SASH1: variants seen among roughly 807,000 people sequenced by gnomAD.
The protein encoded by SASH1 is SAM and SH3 domain-containing protein 1.
Under a neutral mutation model 125.2 loss-of-function variants are expected in SASH1, and 44 were observed. The ratio of observed to expected loss-of-function variants is 0.35; its 90% CI spans 0.28 to 0.45. The LOEUF (loss-of-function observed/expected upper bound fraction) is 0.45. SASH1 is among the 20% of genes least tolerant of loss of function. SASH1 has a pLI of 1.00. For missense variants in SASH1, 1,426 were observed against 1,614.5 expected (o/e 0.88, Z 2.00); for synonymous variants, 639 against 649.1 (o/e 0.98, Z 0.24).
chr6:148,349,072 G>T (rs974744466), intron 1 of SASH1, among the ~76,000 whole-genome samples: 1 of 152,072 alleles, frequency 6.6e-6, no homozygotes, highest in East Asian at 1.9e-4. Flanking sequence ...GTGCGAGGTG[G>T]GCCCTTCCCC....
intron 1 of SASH1, among the ~76,000 whole-genome samples, chr6:148,366,468 G>A (rs1782462865): frequency 6.6e-6 from 1 of 152,164 alleles, no homozygotes; most frequent in Non-Finnish European, 1.5e-5. Flanking sequence ...GGACTTGGTG[G>A]GGCGATGGTG....
At chr6:148,392,986 C>T (rs1783791218) in intron 2 of SASH1, among the ~76,000 whole-genome samples, 1 of 151,830 alleles carries the variant, frequency 6.6e-6, no homozygotes, top group Non-Finnish European at 1.5e-5. Flanking sequence ...GGCAAGATTA[C>T]CACAGGACAA....
intron 2 of SASH1, among the ~76,000 whole-genome samples, chr6:148,423,480 A>G (rs1775665021): frequency 6.6e-6 from 1 of 152,234 alleles, no homozygotes; most frequent in Non-Finnish European, 1.5e-5. Flanking sequence ...CAACAATAAT[A>G]GTGACACTTC....
intron 2 of SASH1, among the ~76,000 whole-genome samples, chr6:148,423,776 G>C (rs1332032154): frequency 6.6e-6 from 1 of 152,132 alleles, no homozygotes; most frequent in African/African-American, 2.4e-5. Context: ...AACACTCGTT[G>C]AATAGATGAA....
At chr6:148,251,183 A>G in the SASH1 span, among the ~76,000 whole-genome samples, 1 of 152,238 alleles carries the variant, frequency 6.6e-6, no homozygotes, top group African/African-American at 2.4e-5. Context: ...CGGATAGAAA[A>G]GAAAAAATGC....
the SASH1 span, among the ~76,000 whole-genome samples, chr6:148,250,877 G>T: frequency 6.6e-6 from 1 of 152,118 alleles, no homozygotes; most frequent in Non-Finnish European, 1.5e-5. Context: ...AGAAAGAAAA[G>T]CTCATTACCA....
chr6:148,359,560 A>G (rs371450813), intron 1 of SASH1, among the ~76,000 whole-genome samples: 2 of 152,236 alleles, frequency 1.3e-5, no homozygotes, highest in East Asian at 1.9e-4. Context: ...TGATGTGAAC[A>G]TTGTTAAAAT....
At chr6:148,517,127 G>A (rs1052630523) in intron 9 of SASH1, among the ~76,000 whole-genome samples, 25 of 152,250 alleles carry the variant, frequency 1.6e-4, no homozygotes, top group African/African-American at 5.5e-4. Context: ...GCACTTTCAC[G>A]TAACTCTTTT....
chr6:148,332,757 C>T (rs752693167), intron 1 of SASH1, among the ~76,000 whole-genome samples: 2 of 151,994 alleles, frequency 1.3e-5, no homozygotes, highest in Non-Finnish European at 2.9e-5. Flanking sequence ...GAGGCTGAGG[C>T]GGGCGGATCA....
chr6:148,546,284 G>A, intron 19 of SASH1, 138 bp downstream of exon 19: 1 of 972,078 alleles, frequency 1.0e-6, no homozygotes, highest in Non-Finnish European at 1.5e-6. Context: ...AGTAATATGT[G>A]GTCAGCCTAG....
rs775205188 is a variant in SASH1 at position 148,527,419 on chromosome 6, C to T, written c.1285-34C>T. On this transcript the variant is annotated intron_variant, in intron 11 of 19. Transcript: ENST00000367467. ...AATAAAACCTGTTCTTCATTTTCTG[C>T]GACCAACAATACTTGCAACATTTTG... The T allele has an allele frequency of 2.7e-5, 41 of 1,532,292 alleles. No homozygotes were observed. In the East Asian group the frequency reaches 4.6e-4, roughly 17 times the overall value. The allele number at this position is 1,532,292 out of a possible 1,614,324, so 94.9% of individuals were successfully genotyped here. A position where few individuals can be genotyped will look rare whatever the true frequency, so the allele number is the denominator to read the frequency against.
intron 1 of SASH1, among the ~76,000 whole-genome samples, chr6:148,355,252 T>G (rs1269424044): frequency 6.6e-6 from 1 of 152,246 alleles, no homozygotes; most frequent in African/African-American, 2.4e-5. Context: ...TCTCAGAATG[T>G]ATGGCATTAA....
At chr6:148,291,730 T>C (rs1217961358) in intron 1 of SASH1, among the ~76,000 whole-genome samples, 1 of 152,002 alleles carries the variant, frequency 6.6e-6, no homozygotes, top group African/African-American at 2.4e-5. Context: ...CGGGGACTTT[T>C]TTTTTAAAAA....
At chr6:148,237,425 A>G in the SASH1 span, among the ~76,000 whole-genome samples, 1 of 152,182 alleles carries the variant, frequency 6.6e-6, no homozygotes, top group Non-Finnish European at 1.5e-5. Context: ...AATACATCCT[A>G]TAAGTTTTGC....
intron 4 of SASH1, among the ~76,000 whole-genome samples, chr6:148,450,200 T>G (rs897748907): frequency 3.9e-5 from 6 of 152,308 alleles, no homozygotes; most frequent in African/African-American, 1.2e-4. Flanking sequence ...TTTGGATTTA[T>G]CTCCCGAAAA....
intron 10 of SASH1, among the ~76,000 whole-genome samples, chr6:148,521,383 G>GATCAGTGTAA (rs1187551841): frequency 6.6e-6 from 1 of 152,166 alleles, no homozygotes; most frequent in Non-Finnish European, 1.5e-5. Context: ...TTCCCCAGAC[G>GATCAGTGTAA]ATCAGTGTAA....
intron 7 of SASH1, 149 bp from the exon 8 acceptor site, chr6:148,487,465 A>G (rs895536301): frequency 1.7e-6 from 1 of 584,698 alleles, no homozygotes; most frequent in South Asian, 2.3e-5. Flanking sequence ...ACTGGCATGA[A>G]GAAGGTACCC....
intron 1 of SASH1, among the ~76,000 whole-genome samples, chr6:148,381,824 G>A (rs552171954): frequency 6.6e-6 from 1 of 151,416 alleles, no homozygotes; most frequent in Admixed American, 6.6e-5. Context: ...TAGAGATGAG[G>A]TTTCACCATT....
At chr6:148,441,122 A>G (rs1776528650) in intron 4 of SASH1, among the ~76,000 whole-genome samples, 2 of 152,236 alleles carry the variant, frequency 1.3e-5, no homozygotes, top group South Asian at 4.1e-4. Context: ...ATGGTAAAAA[A>G]TTTTAAAGAA....
Sources: allele counts gnomAD v4.1 joint callset (sites outside exome capture counted in the v4.1 genomes callset), GRCh38; gene constraint gnomAD v4.1.1; transcripts MANE v1.5; gene names NCBI Gene and HGNC (gene_info 2026-07-23, HGNC 2026-07-21).